Variants in MUC4 observed in about 807,000 individuals in gnomAD.
MUC4 encodes the protein mucin-4.
Under a neutral mutation model 257.9 loss-of-function variants are expected in MUC4, and 202 were observed. The observed-to-expected ratio is 0.78, with a 90% CI of 0.70 to 0.88. MUC4 has a LOEUF of 0.88. Ranked by LOEUF, MUC4 falls within the 40% of genes least tolerant of loss-of-function variation. The pLI is 0.00. For missense variants in MUC4, 5,976 were observed against 6,513.7 expected (o/e 0.92, Z 2.84); for synonymous variants, 2,351 against 2,757.1 (o/e 0.85, Z 4.62).
chr3:195,774,644 G>A (rs1039091262), intron 3 of MUC4, among the ~76,000 whole-genome samples: 3 of 152,158 alleles, frequency 2.0e-5, no homozygotes, highest in East Asian at 3.9e-4. Context: ...GCTCACGCCT[G>A]TAATCCCAGC....
chr3:195,791,601 G>A (rs990762435), intron 1 of MUC4, 104 bp from the exon 2 acceptor site: 2 of 755,972 alleles, frequency 2.6e-6, no homozygotes, highest in Non-Finnish European at 4.4e-6. Flanking sequence ...AGCTAACAAA[G>A]GATGTGAAAA....
At position 195,762,193 on chromosome 3, in the gene MUC4, GGCCGAGACCTCAGA is replaced by G; in HGVS notation, c.14392_14405del (p.Ser4798GlnfsTer40). 6.2e-7 allele frequency: 1 copy of G among 1,603,628 alleles called. No individual in the cohort carries two copies. Among genetic ancestry groups the G allele is most frequent in the Non-Finnish European group, 8.5e-7 (1 of 1,175,266 alleles). ...AGACGGTGGCCCAGCCGTCGAAGCT[GGCCGAGACCTCAGA>G]GCCGTTGCGGCTCAGGAGGACTCCG... On this transcript the variant is annotated frameshift_variant, in exon 14 of 25. Transcript: ENST00000463781. LOFTEE classifies it high-confidence loss of function.
intron 7 of MUC4, among the ~76,000 whole-genome samples, chr3:195,767,698 AAAAATACCACCATCGGCCAC>A (rs1721417641): frequency 2.5e-5 from 1 of 39,864 alleles, no homozygotes; most frequent in Non-Finnish European, 4.4e-5. Flanking sequence ...CCACCCCCCA[AAAAATACCACCATCGGCCAC>A]CACCACCATC....
chr3:195,748,862 C>T (rs1715725072), intron 24 of MUC4, 40 bp downstream of exon 24: 2 of 1,517,758 alleles, frequency 1.3e-6, no homozygotes, highest in African/African-American at 2.8e-5. Context: ...CTTGGGTTCC[C>T]CAGCACTGTC....
Position 195,779,249 on chromosome 3 carries a change from T to C in MUC4, c.12331A>G (p.Thr4111Ala), listed in dbSNP as rs1308338456. 3.7e-6 allele frequency: 5 copies of C among 1,351,162 alleles called. 1 individual carries two copies. The Admixed American group carries it at 1.2e-4, about 32-fold the overall frequency. 83.7% of individuals were successfully genotyped at this position (1,351,162 alleles called of 1,614,324 possible). Residue 4111 changes from threonine to alanine, a missense_variant, in exon 2 of 25, where the codon ACG becomes GCG. This residue lies in a region of MUC4 where 293 missense variants were observed against 294.5 expected (regional missense o/e 1.00). Coordinates refer to ENST00000463781, the MANE Select transcript of MUC4 (RefSeq NM_018406.7). ...SLSSVSTGDT[T>A]PLPVTDTSSA... ...GAAGTGTCGGTGACAGGAAGAGGCG[T>C]GGTGTCACCTGTGGATACTGAGGAA...
At chr3:195,794,109 A>T (rs75022003) in intron 1 of MUC4, among the ~76,000 whole-genome samples, 3,986 of 122,830 alleles carry the variant, frequency 0.032, 164 homozygotes, top group African/African-American at 0.088. Flanking sequence ...ATAATAATAA[A>T]AATAGATATT....
At chr3:195,805,810 C>T (rs9875050) in intron 1 of MUC4, among the ~76,000 whole-genome samples, 124,171 of 152,000 alleles carry the variant, frequency 0.82, 51,112 homozygotes, top group African/African-American at 0.9. Flanking sequence ...TCTGTCATTT[C>T]AATTACTCAA....
chr3:195,766,890 C>A, intron 7 of MUC4, 139 bp from the exon 8 acceptor site: 1 of 702,730 alleles, frequency 1.4e-6, no homozygotes, highest in Non-Finnish European at 2.5e-6. Flanking sequence ...GGTCAGCCAG[C>A]CCCCATCGTC....
At position 195,790,438 on chromosome 3, in the gene MUC4, G is replaced by A. The variant is rs747689611; in HGVS notation, c.1142C>T (p.Ser381Phe). ...PSGETTTSSP[S>F]SVSNTFLVTS... Reference sequence around the variant, plus strand: ...TACCAGGAATGTATTGCTGACACTGGAAGGGGATGAGGTGGTTGTTTCACC... The same window carrying A: ...TACCAGGAATGTATTGCTGACACTGAAAGGGGATGAGGTGGTTGTTTCACC... The change falls in exon 2 of 25, where the codon TCC becomes TTC. Residue 381 changes from serine to phenylalanine, a missense_variant. Transcript: ENST00000463781. 33 of 1,613,838 alleles carry A rather than the reference G, an allele frequency of 2.0e-5. 1 individual carries two copies. The African/African-American group carries it at 2.8e-4, about 14-fold the overall frequency.
chr3:195,776,426 A>G (rs375975016), intron 3 of MUC4, among the ~76,000 whole-genome samples: 2 of 14,028 alleles, frequency 1.4e-4, no homozygotes, highest in South Asian at 2.7e-3. Flanking sequence ...CATACCTTCC[A>G]CACCCATACC....
At chr3:195,808,321 T>G (rs1304275233) in intron 1 of MUC4, among the ~76,000 whole-genome samples, 1 of 152,068 alleles carries the variant, frequency 6.6e-6, no homozygotes, top group East Asian at 1.9e-4. Context: ...GTTCAAGCCA[T>G]TCTCCTACCT....
intron 7 of MUC4, among the ~76,000 whole-genome samples, chr3:195,767,528 T>TCATCACCACCATCACCAC (rs1472909855): frequency 3.6e-5 from 1 of 28,078 alleles, no homozygotes; most frequent in African/African-American, 1.1e-4. Flanking sequence ...ACCACCACCA[T>TCATCACCACCATCACCAC]CGCCACCACC....
chr3:195,807,981 T>C (rs1177734732), intron 1 of MUC4, among the ~76,000 whole-genome samples: 2 of 152,184 alleles, frequency 1.3e-5, no homozygotes, highest in Non-Finnish European at 2.9e-5. Context: ...GGCAGAGCTG[T>C]CCGCTGGAGC....
At chr3:195,766,844 A>G in intron 7 of MUC4, 93 bp from the exon 8 acceptor site, 1 of 1,171,826 alleles carries the variant, frequency 8.5e-7, no homozygotes, top group African/African-American at 1.5e-5. Flanking sequence ...GCCGGTCAGC[A>G]GCTGGTCAAC....
Position 195,788,672 on chromosome 3 carries a change from G to A in MUC4, c.2908C>T (p.Leu970Phe), listed in dbSNP as rs113688288. The change falls in exon 2 of 25, where the codon CTC becomes TTC. Residue 970 changes from leucine (L) to phenylalanine (F), a missense_variant. Leu to Phe is a conservative substitution (Grantham distance 22, BLOSUM62 0). This residue lies in a region of MUC4 where 1,583 missense variants were observed against 1,257.4 expected (regional missense o/e 1.26). Transcript: ENST00000463781. ...GGAAGAGGGGTGGCGTTGCTGATGA[G>A]GGCCGTGGTGAAGGTTTTACCAGAC... ...SGSGKTFTTALISNATPLPVT... is the reference protein window; with the variant it reads ...SGSGKTFTTAFISNATPLPVT... The A allele has an allele frequency of 2.8e-3, 4,375 of 1,588,462 alleles. 103 individuals carry two copies. In the African/African-American group the frequency reaches 0.065, roughly 24 times the overall value.
rs771089873 is a variant in MUC4 at position 195,788,812 on chromosome 3, C to G, written c.2768G>C (p.Ser923Thr). Residue 923 changes from serine to threonine, a missense_variant, in exon 2 of 25, where the codon AGC becomes ACC. Ser to Thr is a moderately conservative substitution (Grantham distance 58). Coordinates refer to ENST00000463781, the MANE Select transcript of MUC4 (RefSeq NM_018406.7). ...GGTGTCGGTTGCCTGGGACGCCAGG[C>G]TGATAGTGTCAGACCCTCTGCTGGT... ...TRTSRGSDTISLASQATDTFS... is the reference protein window; with the variant it reads ...TRTSRGSDTITLASQATDTFS... 2.3e-5 allele frequency: 37 copies of G among 1,613,800 alleles called. No homozygotes were observed. In the South Asian group the frequency reaches 3.3e-4, roughly 14 times the overall value.
At position 195,788,184 on chromosome 3, in the gene MUC4, A is replaced by T. The variant is rs1165527129; in HGVS notation, c.3396T>A (p.Gly1132=). Residue 1132 remains glycine (G), a synonymous_variant, in exon 2 of 25, where the codon GGT becomes GGA. Transcript: ENST00000463781. ...PVTDTSSAST[G]HATSLPVTDT... is the part of the protein sequence containing the mutation. ...CGGTGACAGGAAGAGAGGTGGCGTG[A>T]CCTGTGGATGCTGAGGAAGTGTCGG... 6.8e-7 allele frequency: 1 copy of T among 1,469,418 alleles called. No individual in the cohort carries two copies. 91.0% of individuals were successfully genotyped at this position (1,469,418 alleles called of 1,614,324 possible). A position where few individuals can be genotyped will look rare whatever the true frequency, so the allele number is the denominator to read the frequency against.
intron 1 of MUC4, among the ~76,000 whole-genome samples, chr3:195,797,279 T>TAAATAAATAAAC (rs1484302178): frequency 6.6e-6 from 1 of 151,382 alleles, no homozygotes; most frequent in African/African-American, 2.4e-5. Context: ...AATAAATAAA[T>TAAATAAATAAAC]AAATAAATAA....
At chr3:195,765,606 G>C (rs1476876735) in intron 8 of MUC4, among the ~76,000 whole-genome samples, 157 bp from the exon 9 acceptor site, 1 of 152,210 alleles carries the variant, frequency 6.6e-6, no homozygotes, top group Non-Finnish European at 1.5e-5. Flanking sequence ...CTCCCCCAAA[G>C]CCCCTCGCTT....
Sources: gnomAD v4.1 joint callset for allele counts (sites outside exome capture counted in the v4.1 genomes callset) on GRCh38, gnomAD v4.1.1 for gene constraint, gnomAD v4.1.1 regional missense constraint, MANE v1.5 for transcripts, NCBI Gene and HGNC (gene_info 2026-07-23, HGNC 2026-07-21) for gene names.